The following ACIN1 variants were observed in gnomAD, a reference collection of about 807,000 sequenced individuals.
ACIN1 encodes the protein apoptotic chromatin condensation inducer in the nucleus.
Under a neutral mutation model 146.6 loss-of-function variants are expected in ACIN1, and 16 were observed. That is an observed-to-expected ratio of 0.11 (90% CI 0.07 to 0.17). The LOEUF is 0.17. ACIN1 is among the 10% of genes least tolerant of loss of function. The pLI is 1.00. For synonymous variants in ACIN1, 569 were observed against 582.7 expected (o/e 0.98, Z 0.34); for missense variants, 1,357 against 1,609.3 (o/e 0.84, Z 2.68).
chr14:23,090,743 ATAAC>A, intron 2 of ACIN1, 110 bp from the exon 3 acceptor site: 1 of 740,064 alleles, frequency 1.4e-6, no homozygotes, highest in South Asian at 2.1e-5. Context: ...CCCAAGAAAG[ATAAC>A]TAAAATGTTG....
chr14:23,078,068 C>G (rs915194036), intron 8 of ACIN1, 83 bp downstream of exon 8: 22 of 1,241,016 alleles, frequency 1.8e-5, no homozygotes, highest in Non-Finnish European at 2.4e-5. Context: ...ACTAGGACTG[C>G]TTAGTCAAAG....
At chr14:23,095,539 A>G, upstream of ACIN1, 2 of 500,612 alleles carry the variant, frequency 4.0e-6, no homozygotes, top group Middle Eastern at 5.4e-4. Context: ...TAGGGTTTTC[A>G]GGAAATTTGG....
At chr14:23,095,219 A>AC, upstream of ACIN1, 3 of 1,612,668 alleles carry the variant, frequency 1.9e-6, no homozygotes, top group East Asian at 2.2e-5. Flanking sequence ...GCCATACTCT[A>AC]CCCCTCGATT....
chr14:23,059,564 T>A (rs1185111412), intron 18 of ACIN1, 90 bp from the exon 19 acceptor site: 8 of 983,918 alleles, frequency 8.1e-6, no homozygotes, highest in Non-Finnish European at 1.3e-5. Flanking sequence ...TAGCTCAGGG[T>A]CAGCTTTTCA....
At chr14:23,073,104 CAA>C (rs560072710) in intron 8 of ACIN1, among the ~76,000 whole-genome samples, 105 of 152,344 alleles carry the variant, frequency 6.9e-4, no homozygotes, top group African/African-American at 2.3e-3. Flanking sequence ...TGAGTTTCCT[CAA>C]AAGAGTAGAC....
Position 23,061,566 on chromosome 14 carries a change from C to T in ACIN1, c.3156G>A (p.Glu1052=), listed in dbSNP as rs377765832. The T allele has an allele frequency of 3.2e-6, 5 of 1,571,642 alleles. No homozygotes were observed. In the African/African-American group the frequency reaches 5.4e-5, roughly 17 times the overall value. The part of the protein sequence containing the change: ...VDRPSETKTE[E]QGIPRPLHPP... ...GGTGCAGGGGCCGTGGTATTCCCTG[C>T]TCCTCTGTCTTAGTTTCAGAGGGAC... The change falls in exon 17 of 19, where the codon GAG becomes GAA. Residue 1052 remains glutamate, a synonymous_variant. Transcript: ENST00000605057.
At chr14:23,087,523 A>G (rs140308570) in intron 4 of ACIN1, among the ~76,000 whole-genome samples, 164 of 151,380 alleles carry the variant, frequency 1.1e-3, no homozygotes, top group African/African-American at 3.6e-3. Flanking sequence ...GATGACATAA[A>G]GCACTGAAAA....
rs896576597 is a variant in ACIN1, at chr14:23,062,482, C to T, written c.2925G>A (p.Gly975=). The part of the protein sequence containing the change: ...FTLGQLKELL[G]RTGTLVEEAF... ...CCTCTTCCACCAAGGTTCCTGTGCG[C>T]CCCAACAACTCCTTTAGCTGGCCTA... is the stretch of plus-strand genomic sequence containing the variant. Residue 975 remains glycine (G), a synonymous_variant, in exon 15 of 19, where the codon GGG becomes GGA. Coordinates refer to ENST00000605057, the MANE Select transcript of ACIN1 (RefSeq NM_001386863.1). 3.7e-6 allele frequency: 6 copies of T among 1,614,082 alleles called. No individual in the cohort carries two copies. The highest frequency in any genetic ancestry group is 1.1e-5 in the South Asian group (1 of 91,090).
At chr14:23,084,229 A>G (rs2048028119) in intron 4 of ACIN1, among the ~76,000 whole-genome samples, 1 of 152,084 alleles carries the variant, frequency 6.6e-6, no homozygotes, top group South Asian at 2.1e-4. Flanking sequence ...TTACAGGTGT[A>G]AGCCACCATG....
intron 4 of ACIN1, among the ~76,000 whole-genome samples, chr14:23,088,015 C>T (rs959430554): frequency 5.9e-5 from 9 of 152,198 alleles, no homozygotes; most frequent in Non-Finnish European, 1.0e-4. Flanking sequence ...TCTTTTGGTT[C>T]CCTATGTCTG....
intron 18 of ACIN1, among the ~76,000 whole-genome samples, chr14:23,060,762 C>T (rs970466069): frequency 2.6e-5 from 4 of 152,108 alleles, no homozygotes; most frequent in Admixed American, 2.0e-4. Context: ...CCACCCGACT[C>T]GGCCTCCCAA....
At chr14:23,086,749 A>G (rs2048100110) in intron 4 of ACIN1, among the ~76,000 whole-genome samples, 1 of 152,208 alleles carries the variant, frequency 6.6e-6, no homozygotes, top group Non-Finnish European at 1.5e-5. Context: ...TGCTAGGATT[A>G]CAGGTGTGAG....
chr14:23,074,769 A>C (rs1465735916), intron 8 of ACIN1, among the ~76,000 whole-genome samples: 2 of 152,240 alleles, frequency 1.3e-5, no homozygotes, highest in Non-Finnish European at 2.9e-5. Flanking sequence ...AAAAGGGTAC[A>C]ACTACTTGGA....
At chr14:23,063,306 A>G in intron 13 of ACIN1, 130 bp downstream of exon 13, 1 of 1,279,248 alleles carries the variant, frequency 7.8e-7, no homozygotes, top group Non-Finnish European at 1.1e-6. Context: ...CTTAATATGT[A>G]GGAGAAAGAT....
intron 4 of ACIN1, among the ~76,000 whole-genome samples, chr14:23,083,047 A>AT (rs774833666): frequency 1.5e-3 from 214 of 140,712 alleles, no homozygotes; most frequent in South Asian, 4.5e-3. Flanking sequence ...ACTAGGTGAG[A>AT]TTTTTTTTTT....
rs2047893514 is a variant in ACIN1 at position 23,079,710 on chromosome 14, C to A, written c.1625G>T (p.Gly542Val). 1 of 1,613,946 alleles carries A rather than the reference C, an allele frequency of 6.2e-7. No homozygotes were observed. The highest frequency in any genetic ancestry group is 8.5e-7 in the Non-Finnish European group (1 of 1,180,042). The part of the protein sequence containing the change: ...RSRSRSPDSS[G>V]SRSHSPLRSK... ...TCTGAGCGGTGAATGAGACCGAGAA[C>A]CTGAACTGTCAGGAGAGCGAGATCT... is the stretch of plus-strand genomic sequence containing the variant. Residue 542 changes from glycine to valine, a missense_variant, in exon 6 of 19, where the codon GGT (glycine) becomes GTT (valine). Physicochemically the swap from Gly to Val is moderately radical, Grantham distance 109 (BLOSUM62 -3). This residue lies in a region of ACIN1 where 771 missense variants were observed against 746.6 expected (regional missense o/e 1.03). Coordinates refer to ENST00000605057, the MANE Select transcript of ACIN1 (RefSeq NM_001386863.1).
intron 11 of ACIN1, 32 bp from the exon 12 acceptor site, chr14:23,064,289 C>G: frequency 6.2e-7 from 1 of 1,613,998 alleles, no homozygotes; most frequent in Non-Finnish European, 8.5e-7. Flanking sequence ...CCCCGTTACA[C>G]TGGGCCCATG....
At chr14:23,090,736 A>G in intron 2 of ACIN1, 103 bp from the exon 3 acceptor site, 1 of 791,674 alleles carries the variant, frequency 1.3e-6, no homozygotes, top group Non-Finnish European at 1.9e-6. Flanking sequence ...AGTTGCGCCC[A>G]AGAAAGATAA....
At position 23,059,072 on chromosome 14, in the gene ACIN1, G is replaced by A. The variant is rs996423641; in HGVS notation, c.*76C>T. 8.5e-6 allele frequency: 12 copies of A among 1,413,372 alleles called. No homozygotes were observed. The highest frequency in any genetic ancestry group is 1.4e-5 in the African/African-American group (1 of 70,900). 87.6% of individuals were successfully genotyped at this position (1,413,372 alleles called of 1,614,324 possible). A position where few individuals can be genotyped will look rare whatever the true frequency, so the allele number is the denominator to read the frequency against. On this transcript the variant is annotated 3_prime_UTR_variant, in exon 19 of 19. Transcript: ENST00000605057. ...AGACCCTTGGCTCCAGGGTGGTGGA[G>A]ACTGTGCCTATCCCTCTGTGGCCAT...
Sources: gnomAD v4.1 joint callset for allele counts (sites outside exome capture counted in the v4.1 genomes callset) on GRCh38, gnomAD v4.1.1 for gene constraint, gnomAD v4.1.1 regional missense constraint, MANE v1.5 for transcripts, NCBI Gene and HGNC (gene_info 2026-07-23, HGNC 2026-07-21) for gene names.